The following ADGRL4 variants were observed in gnomAD, a reference collection of about 807,000 sequenced individuals.
ADGRL4 encodes the protein EGF, latrophilin and seven transmembrane domain containing 1.
A neutral mutation model predicts 74.8 loss-of-function variants in ADGRL4; 90 were observed. The observed-to-expected ratio is 1.20, with a 90% CI of 1.02 to 1.43. ADGRL4 has a LOEUF of 1.43. Ranked by LOEUF, ADGRL4 falls within the 40% of genes most tolerant of loss-of-function variation. The probability of loss-of-function intolerance (pLI) is 0.00; values close to 1 mark genes in which losing one functional copy is unlikely to be tolerated. For synonymous variants in ADGRL4, 311 were observed against 279.2 expected, an observed-to-expected ratio of 1.11 and a Z score of -1.14; for missense variants, 881 against 814.3, an observed-to-expected ratio of 1.08 and a Z score of -1.00.
chr1:78,947,509 T>C (rs1649627819), intron 2 of ADGRL4, among the ~76,000 whole-genome samples: 2 of 152,154 alleles, frequency 1.3e-5, no homozygotes, highest in South Asian at 2.1e-4. Flanking sequence ...AGCAGCATGG[T>C]TCTGCTGACA....
intron 12 of ADGRL4, 68 bp downstream of exon 12, chr1:78,917,566 C>A (rs1452200013): frequency 2.0e-6 from 2 of 981,238 alleles, no homozygotes; most frequent in Non-Finnish European, 3.0e-6. Context: ...CACCTTATTG[C>A]TGGAAATTTT....
At position 78,929,810 on chromosome 1, in the gene ADGRL4, C is replaced by T. The variant is rs528566653; in HGVS notation, c.878-2719G>A. 4.6e-5 allele frequency among the ~76,000 whole-genome samples: 7 copies of T among 151,460 alleles called. 1 individual carries two copies. In the South Asian group the frequency reaches 6.2e-4, roughly 13 times the overall value. On this transcript the variant is annotated intron_variant, in intron 7 of 14. Transcript: ENST00000370742. Reference sequence around the variant, plus strand: ...GGATCATTAAATATAACAAAGCTACCGTACAATCAGACAAAATTTCTTCAG... The same window carrying T: ...GGATCATTAAATATAACAAAGCTACTGTACAATCAGACAAAATTTCTTCAG...
chr1:78,997,610 A>C (rs150539124), intron 2 of ADGRL4, among the ~76,000 whole-genome samples: 5 of 152,172 alleles, frequency 3.3e-5, no homozygotes, highest in Admixed American at 6.5e-5. Flanking sequence ...ATTTTCCAGA[A>C]TGTCTTTGAG....
intron 2 of ADGRL4, among the ~76,000 whole-genome samples, chr1:78,952,345 T>TTTTTC (rs1553137100): frequency 6.7e-6 from 1 of 148,842 alleles, no homozygotes; most frequent in East Asian, 2.0e-4. Flanking sequence ...TTTTTTTTTT[T>TTTTTC]CCTCTTTTTC....
chr1:78,906,537 G>A (rs893411130), intron 12 of ADGRL4, among the ~76,000 whole-genome samples: 5 of 151,894 alleles, frequency 3.3e-5, no homozygotes, highest in Non-Finnish European at 7.4e-5. Flanking sequence ...AAGGAATAAA[G>A]GTGAAGGAGA....
intron 12 of ADGRL4, among the ~76,000 whole-genome samples, chr1:78,897,785 A>C (rs1648428763): frequency 6.6e-6 from 1 of 152,214 alleles, no homozygotes. Flanking sequence ...GGGTAAATAA[A>C]GAAAAATGTA....
chr1:78,998,352 T>C (rs1650762628), intron 2 of ADGRL4, among the ~76,000 whole-genome samples: 1 of 146,914 alleles, frequency 6.8e-6, no homozygotes, highest in Non-Finnish European at 1.5e-5. Flanking sequence ...TATTAAAACT[T>C]CCACTGATTC....
At chr1:79,005,757 TTTTCAA>T (rs1231358326) in intron 1 of ADGRL4, among the ~76,000 whole-genome samples, 1 of 152,212 alleles carries the variant, frequency 6.6e-6, no homozygotes, top group Admixed American at 6.5e-5. Flanking sequence ...ATTTCAATTG[TTTTCAA>T]TTTCAATTTC....
At chr1:78,891,421 A>C (rs1327043752) in intron 14 of ADGRL4, 103 bp downstream of exon 14, 2 of 1,329,452 alleles carry the variant, frequency 1.5e-6, no homozygotes, top group African/African-American at 3.0e-5. Flanking sequence ...TTTAGGCAAT[A>C]AAGGCAGAAG....
intron 12 of ADGRL4, among the ~76,000 whole-genome samples, chr1:78,896,124 C>T (rs1270303596): frequency 1.3e-5 from 2 of 151,950 alleles, no homozygotes; most frequent in Admixed American, 6.6e-5. Context: ...CCACTCTTCC[C>T]TTTGTTTACT....
At chr1:78,993,339 C>T (rs1449537363) in intron 2 of ADGRL4, among the ~76,000 whole-genome samples, 5 of 152,048 alleles carry the variant, frequency 3.3e-5, no homozygotes, top group Non-Finnish European at 5.9e-5. Flanking sequence ...TAAAGTCTTT[C>T]ACCTTTACAC....
chr1:78,968,850 A>T (rs1283989376), intron 2 of ADGRL4, among the ~76,000 whole-genome samples: 1 of 152,224 alleles, frequency 6.6e-6, no homozygotes, highest in Non-Finnish European at 1.5e-5. Flanking sequence ...GCTTATAATA[A>T]GCTACAGAAT....
At chr1:78,907,639 G>C (rs1648673635) in intron 12 of ADGRL4, among the ~76,000 whole-genome samples, 1 of 151,976 alleles carries the variant, frequency 6.6e-6, no homozygotes, top group South Asian at 2.1e-4. Context: ...ACTTTCCTTG[G>C]AAAGTGTTGT....
At chr1:78,892,681 T>C (rs1198113837) in intron 13 of ADGRL4, among the ~76,000 whole-genome samples, 1 of 152,036 alleles carries the variant, frequency 6.6e-6, no homozygotes, top group Non-Finnish European at 1.5e-5. Context: ...ATTCAGCTCT[T>C]CCTGAACAAA....
At chr1:78,919,723 CA>C (rs1165927039) in intron 10 of ADGRL4, among the ~76,000 whole-genome samples, 2 of 151,808 alleles carry the variant, frequency 1.3e-5, no homozygotes, top group African/African-American at 2.4e-5. Context: ...TGGGAAGGTT[CA>C]AATGGTTCAA....
chr1:78,950,565 G>A (rs1256565737), intron 2 of ADGRL4, among the ~76,000 whole-genome samples: 1 of 152,118 alleles, frequency 6.6e-6, no homozygotes, highest in East Asian at 1.9e-4. Flanking sequence ...CAGAATCAAG[G>A]AGAAAGAAGT....
In ADGRL4 at chr1:78,939,946, C is replaced by T. The variant is rs186272027; in HGVS notation, c.326-688G>A. The T allele has an allele frequency of 5.8e-3, 888 of 152,566 alleles. 3 individuals carry two copies. Among genetic ancestry groups the T allele is most frequent in the Non-Finnish European group, 0.011 (714 of 67,958 alleles). 9.5% of individuals were successfully genotyped at this position (152,566 alleles called of 1,614,324 possible). A position where few individuals can be genotyped will look rare whatever the true frequency, so the allele number is the denominator to read the frequency against. On this transcript the variant is annotated intron_variant, in intron 3 of 14. Transcript: ENST00000370742. ...ATCATTTAGACAATGGCAGAACAAA[C>T]TTAGATGCATATACTTTTTAACTTT...
At chr1:78,933,303 AC>A (rs1649284866) in intron 7 of ADGRL4, among the ~76,000 whole-genome samples, 1 of 151,510 alleles carries the variant, frequency 6.6e-6, no homozygotes, top group Admixed American at 6.6e-5. Context: ...GTAATCCATC[AC>A]ATAAACAGAA....
chr1:78,984,532 C>T (rs1335943000), intron 2 of ADGRL4, among the ~76,000 whole-genome samples: 1 of 151,478 alleles, frequency 6.6e-6, no homozygotes, highest in East Asian at 1.9e-4. Context: ...CAGTCAGTGA[C>T]AAAAGGCACA....
Sources: gnomAD v4.1 joint callset for allele counts (sites outside exome capture counted in the v4.1 genomes callset) on GRCh38, gnomAD v4.1.1 for gene constraint, MANE v1.5 for transcripts, NCBI Gene and HGNC (gene_info 2026-07-23, HGNC 2026-07-21) for gene names.